Variants in KIAA1217 observed in about 807,000 individuals in gnomAD.
KIAA1217 encodes sickle tail protein homolog.
In KIAA1217, 88 loss-of-function variants were observed where a neutral mutation model predicts 163.9. The observed-to-expected ratio is 0.54, with a 90% CI of 0.45 to 0.64. The LOEUF (loss-of-function observed/expected upper bound fraction) is 0.64, where lower values mean the gene tolerates loss of function less well. Among genes scored for constraint, KIAA1217 ranks in the 30% least tolerant of loss-of-function variants. The pLI is 0.00. For missense variants in KIAA1217, 2,372 were observed against 2,475.0 expected (o/e 0.96, Z 0.88); for synonymous variants, 903 against 923.1 (o/e 0.98, Z 0.39).
intron 1 of KIAA1217, among the ~76,000 whole-genome samples, chr10:23,728,215 T>C (rs1346437238): frequency 6.6e-6 from 1 of 152,220 alleles, no homozygotes; most frequent in Non-Finnish European, 1.5e-5. Context: ...GTATTTTTCG[T>C]TCTAGATCCT....
chr10:24,135,414 TGCCTCC>T (rs1277489845), intron 2 of KIAA1217, among the ~76,000 whole-genome samples: 1 of 152,008 alleles, frequency 6.6e-6, no homozygotes, highest in Non-Finnish European at 1.5e-5. Context: ...CGTCTCTGCT[TGCCTCC>T]GCTGGGATTG....
intron 3 of KIAA1217, among the ~76,000 whole-genome samples, chr10:24,387,205 CA>C (rs1461233935): frequency 6.6e-6 from 1 of 152,174 alleles, no homozygotes; most frequent in African/African-American, 2.4e-5. Context: ...GCTTATCCAC[CA>C]AAATCAAGTT....
intron 2 of KIAA1217, among the ~76,000 whole-genome samples, chr10:24,146,167 A>G (rs1260963904): frequency 6.6e-6 from 1 of 152,228 alleles, no homozygotes; most frequent in African/African-American, 2.4e-5. Flanking sequence ...TTCATATTGA[A>G]TTAATCACAT....
intron 3 of KIAA1217, among the ~76,000 whole-genome samples, chr10:24,382,780 C>T (rs2053475597): frequency 6.6e-6 from 1 of 151,490 alleles, no homozygotes; most frequent in Non-Finnish European, 1.5e-5. Flanking sequence ...ATGACACAGG[C>T]TTCCACACCG....
At chr10:23,990,738 T>A (rs1846184039) in intron 1 of KIAA1217, among the ~76,000 whole-genome samples, 1 of 152,230 alleles carries the variant, frequency 6.6e-6, no homozygotes, top group South Asian at 2.1e-4. Context: ...TGTAAGGAAC[T>A]GTGCTTTAAT....
intron 1 of KIAA1217, among the ~76,000 whole-genome samples, chr10:24,004,231 C>G (rs1397262106): frequency 6.6e-6 from 1 of 152,166 alleles, no homozygotes; most frequent in Non-Finnish European, 1.5e-5. Context: ...CCCACCTCAG[C>G]CTCCCAAAGT....
chr10:24,187,610 G>T (rs1165011400), intron 2 of KIAA1217, among the ~76,000 whole-genome samples: 1 of 152,160 alleles, frequency 6.6e-6, no homozygotes, highest in African/African-American at 2.4e-5. Flanking sequence ...TAAGGCAATG[G>T]CCAGGCGCAG....
At chr10:23,769,642 C>T (rs1834710092) in intron 1 of KIAA1217, among the ~76,000 whole-genome samples, 1 of 152,196 alleles carries the variant, frequency 6.6e-6, no homozygotes, top group African/African-American at 2.4e-5. Context: ...AGATGAGAAA[C>T]AAGATGGAGC....
At chr10:24,020,079 A>G (rs1847668660) in intron 2 of KIAA1217, among the ~76,000 whole-genome samples, 1 of 152,156 alleles carries the variant, frequency 6.6e-6, no homozygotes, top group Non-Finnish European at 1.5e-5. Context: ...TAGACACCAG[A>G]CAAAATTGTC....
chr10:24,126,808 T>G (rs2063487634), intron 2 of KIAA1217, among the ~76,000 whole-genome samples: 1 of 151,898 alleles, frequency 6.6e-6, no homozygotes, highest in African/African-American at 2.4e-5. Context: ...TTTGGACACT[T>G]TTCACTATCC....
intron 1 of KIAA1217, among the ~76,000 whole-genome samples, chr10:23,856,372 G>T (rs537216845): frequency 6.6e-6 from 1 of 152,336 alleles, no homozygotes; most frequent in African/African-American, 2.4e-5. Context: ...TCCTCTGGAA[G>T]TTTTGTCTCA....
At chr10:24,536,391 A>T (rs1485377440) in intron 16 of KIAA1217, among the ~76,000 whole-genome samples, 1 of 152,198 alleles carries the variant, frequency 6.6e-6, no homozygotes, top group African/African-American at 2.4e-5. Flanking sequence ...TAAAACTCAT[A>T]AAAAAAGAGG....
At chr10:24,400,464 G>A (rs2056394603) in intron 3 of KIAA1217, among the ~76,000 whole-genome samples, 1 of 152,198 alleles carries the variant, frequency 6.6e-6, no homozygotes, top group South Asian at 2.1e-4. Flanking sequence ...ATCTCAACAT[G>A]TCACAGAAGC....
At chr10:24,064,344 G>A (rs2060852737) in intron 2 of KIAA1217, among the ~76,000 whole-genome samples, 1 of 151,932 alleles carries the variant, frequency 6.6e-6, no homozygotes, top group Non-Finnish European at 1.5e-5. Flanking sequence ...GAGAGTTTTG[G>A]GCATGAGGGT....
intron 1 of KIAA1217, among the ~76,000 whole-genome samples, chr10:23,735,578 T>G (rs557588972): frequency 1.2e-3 from 189 of 152,238 alleles, no homozygotes; most frequent in African/African-American, 4.5e-3. Context: ...TTGCCATTTT[T>G]GGGTCCCTTA....
At chr10:23,828,818 A>G (rs961670084) in intron 1 of KIAA1217, among the ~76,000 whole-genome samples, 1 of 152,204 alleles carries the variant, frequency 6.6e-6, no homozygotes, top group Non-Finnish European at 1.5e-5. Flanking sequence ...GTGTATAGCA[A>G]CTATGCCAGG....
At chr10:24,230,497 G>GTTTTTTT (rs1466924722) in intron 2 of KIAA1217, among the ~76,000 whole-genome samples, 10 of 48,282 alleles carry the variant, frequency 2.1e-4, no homozygotes, top group African/African-American at 8.4e-4. Flanking sequence ...ACTACTATTT[G>GTTTTTTT]TTTTGTTTTT....
intron 1 of KIAA1217, among the ~76,000 whole-genome samples, chr10:23,926,749 A>ATAAG (rs1554824975): frequency 2.1e-3 from 318 of 151,462 alleles, no homozygotes; most frequent in African/African-American, 7.4e-3. Context: ...AAATAAATAA[A>ATAAG]TAAATAAATA....
intron 1 of KIAA1217, among the ~76,000 whole-genome samples, chr10:23,788,771 G>T (rs745878763): frequency 3.9e-5 from 6 of 152,194 alleles, no homozygotes; most frequent in Non-Finnish European, 5.9e-5. Context: ...GGTAGGACAG[G>T]CACGGGGAGA....
Sources: gnomAD v4.1 joint callset for allele counts (sites outside exome capture counted in the v4.1 genomes callset) on GRCh38, gnomAD v4.1.1 for gene constraint, MANE v1.5 for transcripts, NCBI Gene and HGNC (gene_info 2026-07-23, HGNC 2026-07-21) for gene names.